The following DLGAP4 variants were observed in gnomAD, a reference collection of about 807,000 sequenced individuals.
The protein encoded by DLGAP4 is disks large-associated protein 4.
A neutral mutation model predicts 86.9 loss-of-function variants in DLGAP4; 18 were observed. The ratio of observed to expected loss-of-function variants is 0.21; its 90% CI spans 0.14 to 0.31. The LOEUF is 0.31. Among genes scored for constraint, DLGAP4 ranks in the 10% least tolerant of loss-of-function variants. The pLI is 1.00. For synonymous variants in DLGAP4, 548 were observed against 574.3 expected (o/e 0.95, Z 0.65); for missense variants, 1,085 against 1,362.6 (o/e 0.80, Z 3.21).
chr20:36,381,605 G>A (rs1367936354), intron 2 of DLGAP4, among the ~76,000 whole-genome samples: 1 of 152,196 alleles, frequency 6.6e-6, no homozygotes, highest in Non-Finnish European at 1.5e-5. Flanking sequence ...TGTGACTCCT[G>A]TCTTCATTGA....
chr20:36,385,737 G>C (rs543014743), intron 2 of DLGAP4, among the ~76,000 whole-genome samples: 1 of 152,316 alleles, frequency 6.6e-6, no homozygotes, highest in African/African-American at 2.4e-5. Flanking sequence ...GCCTAATTAG[G>C]CTGTCCTCAG....
chr20:36,461,957 C>G, intron 7 of DLGAP4: 1 of 984,950 alleles, frequency 1.0e-6, no homozygotes, highest in Non-Finnish European at 1.2e-6. Context: ...TTCTGGGCGA[C>G]CCCACTCTTC....
At chr20:36,372,521 C>CT (rs763253874) in intron 2 of DLGAP4, among the ~76,000 whole-genome samples, 2,328 of 140,078 alleles carry the variant, frequency 0.017, 37 homozygotes, top group African/African-American at 0.041. Context: ...CCAGGATTTG[C>CT]TTTTTTTTTT....
intron 4 of DLGAP4, among the ~76,000 whole-genome samples, chr20:36,438,029 G>A (rs910015087): frequency 1.3e-5 from 2 of 152,110 alleles, no homozygotes; most frequent in Non-Finnish European, 2.9e-5. Context: ...TCAGCATCCC[G>A]AGTAGCTGGG....
intron 1 of DLGAP4, among the ~76,000 whole-genome samples, chr20:36,307,962 C>T (rs2065019931): frequency 6.6e-6 from 1 of 152,232 alleles, no homozygotes; most frequent in Admixed American, 6.5e-5. Context: ...CACTGGGCTG[C>T]CTGGTCCCAG....
At position 36,527,296 on chromosome 20, in the gene DLGAP4, A is replaced by T. The variant is rs2037831049; in HGVS notation, c.*265A>T. ...TTTTTCCTCTTGCTGGCCGTGGTGG[A>T]CTAGATAGATGGACGTCGGCAACTC... On this transcript the variant is annotated 3_prime_UTR_variant, in exon 13 of 13. Transcript: ENST00000339266. The T allele has an allele frequency of 5.9e-6, 2 of 337,820 alleles. No homozygotes were observed. The highest frequency in any genetic ancestry group is 9.0e-5 in the Admixed American group (2 of 22,344). 20.9% of individuals were successfully genotyped at this position (337,820 alleles called of 1,614,324 possible). A position where few individuals can be genotyped will look rare whatever the true frequency, so the allele number is the denominator to read the frequency against.
chr20:36,520,405 G>A (rs1185308873), intron 10 of DLGAP4, among the ~76,000 whole-genome samples: 2 of 152,018 alleles, frequency 1.3e-5, no homozygotes, highest in Non-Finnish European at 1.5e-5. Flanking sequence ...GAGTGCAGTG[G>A]CACAATCTCA....
intron 2 of DLGAP4, among the ~76,000 whole-genome samples, chr20:36,404,191 G>A (rs150388556): frequency 6.6e-6 from 1 of 152,214 alleles, no homozygotes; most frequent in Non-Finnish European, 1.5e-5. Context: ...AGTGTCAGAT[G>A]TCCACTCTAA....
intron 10 of DLGAP4, among the ~76,000 whole-genome samples, chr20:36,518,844 G>A (rs563318634): frequency 4.1e-4 from 62 of 152,112 alleles, no homozygotes; most frequent in South Asian, 6.2e-4. Context: ...TAGGCCGGGC[G>A]CAGTGGTTCA....
intron 1 of DLGAP4, among the ~76,000 whole-genome samples, chr20:36,344,648 T>C (rs1409642824): frequency 6.6e-6 from 1 of 152,224 alleles, no homozygotes; most frequent in African/African-American, 2.4e-5. Context: ...AACCTCCAGC[T>C]GCTCTTAGAA....
intron 7 of DLGAP4, among the ~76,000 whole-genome samples, chr20:36,463,638 G>A (rs747558204): frequency 6.6e-6 from 1 of 152,238 alleles, no homozygotes; most frequent in Non-Finnish European, 1.5e-5. Flanking sequence ...TCTGTGCAGG[G>A]GGACAGTTGG....
intron 1 of DLGAP4, among the ~76,000 whole-genome samples, chr20:36,363,495 G>A (rs1282027310): frequency 6.6e-6 from 1 of 152,212 alleles, no homozygotes; most frequent in Non-Finnish European, 1.5e-5. Context: ...GCAGGGTGGG[G>A]AAAGGAGGAC....
intron 7 of DLGAP4, 28 bp from the exon 8 acceptor site, chr20:36,496,677 C>T: frequency 6.3e-7 from 1 of 1,581,472 alleles, no homozygotes; most frequent in Non-Finnish European, 8.6e-7. Context: ...TCTCACCTCT[C>T]CCCTGCCCTT....
chr20:36,353,317 G>A (rs1293652669), intron 1 of DLGAP4, among the ~76,000 whole-genome samples: 2 of 152,192 alleles, frequency 1.3e-5, no homozygotes. Context: ...GGATGACTGA[G>A]AGGGGGCGGC....
chr20:36,494,586 C>T (rs2035802032), intron 7 of DLGAP4, among the ~76,000 whole-genome samples: 1 of 152,192 alleles, frequency 6.6e-6, no homozygotes, highest in Non-Finnish European at 1.5e-5. Context: ...CCATCTTATT[C>T]AGATTTCCCC....
Position 36,343,626 on chromosome 20 carries a change from C to A in DLGAP4, c.-303-23419C>A, listed in dbSNP as rs781918396. Among the ~76,000 whole-genome samples, 155 of 152,338 alleles carry A rather than the reference C, an allele frequency of 1.0e-3. 5 individuals are homozygous for A. The highest frequency in any genetic ancestry group is 3.4e-3 in the Middle Eastern group (1 of 294). ...TTTTTGAGGCTACCAGGTACCCCCC[C>A]CCAACCCCCCGTTGGGTGAATTTGA... On this transcript the variant is annotated intron_variant, in intron 1 of 12. Transcript: ENST00000339266.
In DLGAP4 at chr20:36,496,697, A is replaced by C; in HGVS notation, c.1649-8A>C. 6.3e-7 allele frequency: 1 copy of C among 1,595,394 alleles called. No homozygotes were observed. The highest frequency in any genetic ancestry group is 1.1e-5 in the South Asian group (1 of 90,260). On this transcript the variant is annotated splice_region_variant and splice_polypyrimidine_tract_variant and intron_variant, in intron 7 of 12. Transcript: ENST00000339266. ...CCTCTCCCCTGCCCTTCTCTCATCC[A>C]TCTGCAGGTTCATCATGCCTAGTGG... is the stretch of plus-strand genomic sequence containing the variant.
At chr20:36,480,258 C>T (rs776505418) in intron 7 of DLGAP4, among the ~76,000 whole-genome samples, 4 of 152,204 alleles carry the variant, frequency 2.6e-5, no homozygotes, top group Non-Finnish European at 4.4e-5. Flanking sequence ...GATGGGAGCT[C>T]TTATGCAGCT....
chr20:36,332,307 C>A (rs2065276994), intron 1 of DLGAP4, among the ~76,000 whole-genome samples: 1 of 152,034 alleles, frequency 6.6e-6, no homozygotes, highest in South Asian at 2.1e-4. Flanking sequence ...CTCCACGGCC[C>A]CCCTCCTTTC....
Sources: allele counts gnomAD v4.1 joint callset (sites outside exome capture counted in the v4.1 genomes callset), GRCh38; gene constraint gnomAD v4.1.1; transcripts MANE v1.5; gene names NCBI Gene and HGNC (gene_info 2026-07-23, HGNC 2026-07-21).